KCNN2: variants seen among roughly 807,000 people sequenced by gnomAD.
KCNN2 encodes small conductance calcium-activated potassium channel protein 2.
A neutral mutation model predicts 55.5 loss-of-function variants in KCNN2; 24 were observed. That is an observed-to-expected ratio of 0.43 (90% CI 0.31 to 0.61). The LOEUF is 0.61. Among genes scored for constraint, KCNN2 ranks in the 20% least tolerant of loss-of-function variants. The probability of loss-of-function intolerance (pLI) is 0.08; values close to 1 mark genes in which losing one functional copy is unlikely to be tolerated. For synonymous variants in KCNN2, 431 were observed against 336.1 expected (o/e 1.28, Z -3.09); for missense variants, 754 against 853.6 (o/e 0.88, Z 1.45).
upstream of KCNN2, among the ~76,000 whole-genome samples, chr5:114,358,140 C>A (rs1381395707): frequency 6.6e-6 from 1 of 151,788 alleles, no homozygotes; most frequent in African/African-American, 2.4e-5. Context: ...AGCTTCTGCA[C>A]AGCAAAAGAA....
At position 114,249,719 on chromosome 5, in the gene KCNN2, C is replaced by A. The variant is rs184959230; in HGVS notation, c.-185+28154C>A. Among the ~76,000 whole-genome samples the A allele has an allele frequency of 2.0e-3, 284 of 139,240 alleles. 2 individuals are homozygous for A. The highest frequency in any genetic ancestry group is 3.6e-3 in the Non-Finnish European group (236 of 65,594). The allele number at this position is 139,240 out of a possible 152,430, so 91.3% of individuals were successfully genotyped here. A position where few individuals can be genotyped will look rare whatever the true frequency, so the allele number is the denominator to read the frequency against. On this transcript the variant is annotated intron_variant, in intron 2 of 10. Transcript: ENST00000512097. Reference sequence around the variant, plus strand: ...TGAATGAATAAGAACCTAAACAGTTCGGAATTAAAAAAAAACCCTAGCTTC... The same window carrying A: ...TGAATGAATAAGAACCTAAACAGTTAGGAATTAAAAAAAAACCCTAGCTTC...
At chr5:114,301,161 G>C (rs1476824178) in intron 2 of KCNN2, among the ~76,000 whole-genome samples, 1 of 151,870 alleles carries the variant, frequency 6.6e-6, no homozygotes, top group East Asian at 1.9e-4. Context: ...TTTCTTCCAG[G>C]AGTGATTCTT....
At chr5:114,399,930 G>GTTTTTTTTTTTT (rs35266559) in intron 2 of KCNN2, among the ~76,000 whole-genome samples, 11 of 129,838 alleles carry the variant, frequency 8.5e-5, no homozygotes, top group Middle Eastern at 4.1e-3. Context: ...TTTTTTTTTT[G>GTTTTTTTTTTTT]TTTTTTTTTT....
chr5:114,421,659 G>C (rs749707920), intron 3 of KCNN2, among the ~76,000 whole-genome samples: 23 of 151,808 alleles, frequency 1.5e-4, no homozygotes, highest in Non-Finnish European at 3.1e-4. Flanking sequence ...ACCCAGGCTG[G>C]AGTGCAATGG....
chr5:114,211,989 ATAT>A (rs1048880346), intron 1 of KCNN2, among the ~76,000 whole-genome samples: 20 of 151,154 alleles, frequency 1.3e-4, no homozygotes, highest in Admixed American at 1.1e-3. Flanking sequence ...TACTATTAAA[ATAT>A]TATATATTTT....
chr5:114,112,591 A>G (rs1025989641), intron 1 of KCNN2, among the ~76,000 whole-genome samples: 1 of 152,052 alleles, frequency 6.6e-6, no homozygotes, highest in Non-Finnish European at 1.5e-5. Flanking sequence ...GGCCTGAGAT[A>G]CTTTTTGGGC....
At chr5:114,261,681 T>C (rs1755111800) in intron 2 of KCNN2, among the ~76,000 whole-genome samples, 1 of 152,228 alleles carries the variant, frequency 6.6e-6, no homozygotes, top group Non-Finnish European at 1.5e-5. Flanking sequence ...AGCAGGCAGA[T>C]AACTCCACCT....
At chr5:114,416,587 T>C (rs1467075064) in intron 3 of KCNN2, among the ~76,000 whole-genome samples, 1 of 152,188 alleles carries the variant, frequency 6.6e-6, no homozygotes, top group East Asian at 1.9e-4. Context: ...TGACATACGA[T>C]ATTCTCAGTG....
chr5:114,192,031 T>A (rs1407077855), intron 1 of KCNN2, among the ~76,000 whole-genome samples: 1 of 152,186 alleles, frequency 6.6e-6, no homozygotes, highest in African/African-American at 2.4e-5. Flanking sequence ...GCATAGAGGC[T>A]CATGGAGAAA....
chr5:114,186,505 T>A (rs6594791), intron 1 of KCNN2, among the ~76,000 whole-genome samples: 134,937 of 152,130 alleles, frequency 0.89, 59,881 homozygotes, highest in East Asian at 0.94. Flanking sequence ...TAATAAATTA[T>A]TTAATAAGGC....
At chr5:114,490,552 G>A in intron 6 of KCNN2, 1 of 394,444 alleles carries the variant, frequency 2.5e-6, no homozygotes, top group Non-Finnish European at 4.5e-6. Flanking sequence ...AAATCCTGCA[G>A]AACCATAACA....
intron 3 of KCNN2, among the ~76,000 whole-genome samples, chr5:114,416,052 G>A (rs867845606): frequency 2.0e-5 from 3 of 152,002 alleles, no homozygotes; most frequent in Non-Finnish European, 4.4e-5. Flanking sequence ...TTCTTTTCTA[G>A]TAACCACTAT....
rs1757470293 is a variant in KCNN2 at position 114,362,735 on chromosome 5, C to T, written c.596C>T (p.Pro199Leu). ...PHPAHHQHHQPQARRESNPFT... is the reference protein window; with the variant it reads ...PHPAHHQHHQLQARRESNPFT... ...CCGGCGCACCACCAGCACCACCAGC[C>T]CCAGGCGCGCCGCGAGAGCAACCCC... is the stretch of plus-strand genomic sequence containing the variant. Residue 199 changes from proline (P) to leucine (L), a missense_variant, in exon 1 of 8, where the codon CCC becomes CTC. Pro to Leu is a moderately conservative substitution (Grantham distance 98). Around this residue, in one of 4 missense-constraint regions of KCNN2, gnomAD observed 381 missense variants for 259.1 expected, o/e 1.47. Coordinates refer to ENST00000673685, the MANE Select transcript of KCNN2 (RefSeq NM_021614.4). 6.5e-7 allele frequency: 1 copy of T among 1,535,008 alleles called. No individual in the cohort carries two copies. Among genetic ancestry groups the T allele is most frequent in the Non-Finnish European group, 8.7e-7 (1 of 1,148,070 alleles).
chr5:114,077,579 A>T (rs139187152), intron 1 of KCNN2, among the ~76,000 whole-genome samples: 3,074 of 152,312 alleles, frequency 0.02, 45 homozygotes, highest in Non-Finnish European at 0.032. Context: ...CAGGTGGTAG[A>T]TGGCCCTTTT....
intron 1 of KCNN2, among the ~76,000 whole-genome samples, chr5:114,145,637 G>C (rs1308820910): frequency 6.6e-6 from 1 of 152,088 alleles, no homozygotes; most frequent in Non-Finnish European, 1.5e-5. Flanking sequence ...TCTGAAGGTT[G>C]GGCAGGACAA....
At chr5:114,290,467 A>G (rs1325872060) in intron 2 of KCNN2, among the ~76,000 whole-genome samples, 2 of 151,824 alleles carry the variant, frequency 1.3e-5, no homozygotes. Flanking sequence ...GAATTTAGTT[A>G]TTTGCATCTT....
rs550453188 is a variant in KCNN2 at position 114,318,002 on chromosome 5, G to A, written c.-184-42943G>A. ...CGAAAGCAACAGATCAACAGTACAC[G>A]TGGATGTTTATTATGGTGTACTAGA... On this transcript the variant is annotated intron_variant, in intron 2 of 10. Transcript: ENST00000512097. 5.3e-5 allele frequency among the ~76,000 whole-genome samples: 8 copies of A among 152,282 alleles called. No homozygotes were observed. The South Asian group carries it at 6.2e-4, about 12-fold the overall frequency.
Position 114,241,818 on chromosome 5 carries a change from A to ACG in KCNN2, c.-185+20253_-185+20254insCG, listed in dbSNP as rs1483708846. ...TGTATATATATACGTATATATATAT[A>ACG]TGTGTGTATATATATATATATATAT... On this transcript the variant is annotated intron_variant, in intron 2 of 10. Coordinates refer to the KCNN2 transcript ENST00000512097. Among the ~76,000 whole-genome samples, 8 of 30,168 alleles carry ACG rather than the reference A, an allele frequency of 2.7e-4. 3 individuals carry two copies. The highest frequency in any genetic ancestry group is 8.7e-4 in the African/African-American group (8 of 9,228). 19.8% of individuals were successfully genotyped at this position (30,168 alleles called of 152,430 possible).
chr5:114,385,727 T>G (rs1561600047), intron 2 of KCNN2, among the ~76,000 whole-genome samples: 1 of 152,112 alleles, frequency 6.6e-6, no homozygotes, highest in Non-Finnish European at 1.5e-5. Flanking sequence ...GCTGACGTAG[T>G]TGTCCTTCTT....
Sources: allele counts gnomAD v4.1 joint callset (sites outside exome capture counted in the v4.1 genomes callset), GRCh38; gene constraint gnomAD v4.1.1; regional missense constraint gnomAD v4.1.1; transcripts MANE v1.5; gene names NCBI Gene and HGNC (gene_info 2026-07-23, HGNC 2026-07-21).